PRMT7: variants seen among roughly 807,000 people sequenced by gnomAD.
PRMT7 encodes the protein protein arginine N-methyltransferase 7.
PRMT7 carries 75 observed loss-of-function variants against 85.4 expected under a neutral mutation model. The ratio of observed to expected loss-of-function variants is 0.88; its 90% confidence interval spans 0.73 to 1.06. The LOEUF (loss-of-function observed/expected upper bound fraction) is 1.06, where lower values mean the gene tolerates loss of function less well. Among genes scored for constraint, PRMT7 ranks in the 50% least tolerant of loss-of-function variants. The pLI is 0.00. For missense variants in PRMT7, 868 were observed against 915.2 expected, an observed-to-expected ratio of 0.95 and a Z score of 0.67; for synonymous variants, 397 against 359.5, an observed-to-expected ratio of 1.10 and a Z score of -1.18.
At position 68,357,053 on chromosome 16, in the gene PRMT7, G is replaced by C; in HGVS notation, c.1909-1G>C. 6.2e-7 allele frequency: 1 copy of C among 1,604,212 alleles called. No homozygotes were observed. Among genetic ancestry groups the C allele is most frequent in the Non-Finnish European group, 8.5e-7 (1 of 1,174,818 alleles). ...CCATCTTCCTGCTCTTCTTCCTACA[G>C]GGGGGCTGCTGCTGGAACCCCCACT... On this transcript the variant is annotated splice_acceptor_variant, in intron 18 of 18. Coordinates refer to ENST00000441236, the MANE Select transcript of PRMT7 (RefSeq NM_019023.5). LOFTEE classifies it high-confidence loss of function.
At chr16:68,328,289 T>C (rs1167337124) in intron 5 of PRMT7, 1 of 158,124 alleles carries the variant, frequency 6.3e-6, no homozygotes, top group Non-Finnish European at 1.4e-5. Flanking sequence ...ATCCTGCCCT[T>C]CGTCAAATTC....
At chr16:68,346,113 GCCCAC>G (rs1287243079) in intron 10 of PRMT7, 27 bp from the exon 11 acceptor site, 2 of 1,610,840 alleles carry the variant, frequency 1.2e-6, no homozygotes, top group Admixed American at 3.3e-5. Context: ...GGCGCTCACA[GCCCAC>G]GTCTGTTTGT....
intron 6 of PRMT7, among the ~76,000 whole-genome samples, chr16:68,337,206 T>C (rs1053979408): frequency 6.6e-6 from 1 of 152,172 alleles, no homozygotes; most frequent in African/African-American, 2.4e-5. Context: ...GTAAGAGCAG[T>C]ACAGTAAACA....
At chr16:68,334,065 C>A (rs1246359076) in intron 6 of PRMT7, among the ~76,000 whole-genome samples, 4 of 152,350 alleles carry the variant, frequency 2.6e-5, no homozygotes, top group Admixed American at 1.3e-4. Context: ...ACCACCACGC[C>A]TGGCCAATTT....
chr16:68,359,375 C>T (rs1222245807), downstream of PRMT7: 1 of 152,534 alleles, frequency 6.6e-6, no homozygotes, highest in East Asian at 1.9e-4. Context: ...CAGCCCCTTC[C>T]TGGCTCTGGA....
At chr16:68,318,398 A>G (rs1245132817) in intron 3 of PRMT7, among the ~76,000 whole-genome samples, 2 of 151,956 alleles carry the variant, frequency 1.3e-5, no homozygotes. Context: ...ACGGGGTTTC[A>G]CCGTGTTAGC....
At chr16:68,332,051 T>A (rs1477035258) in intron 6 of PRMT7, among the ~76,000 whole-genome samples, 1 of 152,202 alleles carries the variant, frequency 6.6e-6, no homozygotes, top group African/African-American at 2.4e-5. Context: ...GTGCTAGACT[T>A]CGTTGGTTTT....
At chr16:68,347,439 T>G (rs1597431108) in intron 12 of PRMT7, 145 bp downstream of exon 12, 2 of 1,051,918 alleles carry the variant, frequency 1.9e-6, no homozygotes, top group Admixed American at 2.6e-5. Flanking sequence ...GGCTGGGGGG[T>G]TTATTGCCTG....
At position 68,347,250 on chromosome 16, in the gene PRMT7, G is replaced by A. The variant is rs769775411; in HGVS notation, c.1231G>A (p.Gly411Ser). The change falls in exon 12 of 19, where the codon GGC (glycine) becomes AGC (serine). Residue 411 changes from glycine to serine, a missense_variant. Gly to Ser is a moderately conservative substitution (Grantham distance 56). Transcript: ENST00000441236. ...PDSVCLCVSDGSLLSVLAHHL... is the reference protein window; with the variant it reads ...PDSVCLCVSDSSLLSVLAHHL... Reference sequence around the variant, plus strand: ...CAGCGTGTGCCTGTGTGTCAGCGATGGCAGCCTGCTCTCCGTGCTGGCCCA... The same window carrying A: ...CAGCGTGTGCCTGTGTGTCAGCGATAGCAGCCTGCTCTCCGTGCTGGCCCA... 4 of 1,553,752 alleles carry A rather than the reference G, an allele frequency of 2.6e-6. No homozygotes were observed. The highest frequency in any genetic ancestry group is 2.6e-6 in the Non-Finnish European group (3 of 1,147,730).
At chr16:68,335,304 C>T (rs1465172366) in intron 6 of PRMT7, among the ~76,000 whole-genome samples, 1 of 152,144 alleles carries the variant, frequency 6.6e-6, no homozygotes, top group South Asian at 2.1e-4. Flanking sequence ...AGGCAGTCAG[C>T]GGTCCTGCTG....
intron 14 of PRMT7, among the ~76,000 whole-genome samples, chr16:68,349,864 C>A (rs1343788213): frequency 1.3e-5 from 2 of 152,154 alleles, no homozygotes; most frequent in African/African-American, 4.8e-5. Flanking sequence ...CAGAGCACTA[C>A]AGCATGGCTG....
At chr16:68,316,211 G>A in intron 3 of PRMT7, 137 bp downstream of exon 3, 3 of 726,002 alleles carry the variant, frequency 4.1e-6, no homozygotes, top group Non-Finnish European at 7.1e-6. Flanking sequence ...TCCTGAGCAG[G>A]TCTGCTCAGC....
In PRMT7 at chr16:68,316,080, G is replaced by T. The variant is rs2081815182; in HGVS notation, c.95+6G>T. The T allele has an allele frequency of 3.1e-6, 5 of 1,613,014 alleles. No homozygotes were observed. Among genetic ancestry groups the T allele is most frequent in the Non-Finnish European group, 3.4e-6 (4 of 1,179,622 alleles). On this transcript the variant is annotated splice_donor_region_variant and intron_variant, in intron 3 of 18. Transcript: ENST00000441236. ...TACCACCAGGAGATTGCAAGGTACT[G>T]GGTTGGTTTACAGCAGGCTGCAGCT... is the stretch of plus-strand genomic sequence containing the variant.
In PRMT7 at chr16:68,347,203, C is replaced by T; in HGVS notation, c.1192-8C>T. 1 of 1,551,390 alleles carries T rather than the reference C, an allele frequency of 6.4e-7. No homozygotes were observed. The highest frequency in any genetic ancestry group is 8.7e-7 in the Non-Finnish European group (1 of 1,146,728). On this transcript the variant is annotated splice_polypyrimidine_tract_variant and splice_region_variant and intron_variant, in intron 11 of 18. Transcript: ENST00000441236. ...AAGCCCTGTGCTGAGCTTGCCTGTTCCCCGCAGGTGCTGAAGCCAGACAGC... is the reference window on the plus strand; with the variant it reads ...AAGCCCTGTGCTGAGCTTGCCTGTTTCCCGCAGGTGCTGAAGCCAGACAGC...
At chr16:68,340,074 G>A in intron 9 of PRMT7, 106 bp downstream of exon 9, 2 of 1,232,984 alleles carry the variant, frequency 1.6e-6, no homozygotes, top group East Asian at 2.6e-5. Flanking sequence ...AGAGACAGGA[G>A]GGCTGTGTCA....
downstream of PRMT7, chr16:68,360,043 C>T (rs1879358772): frequency 6.5e-6 from 1 of 153,074 alleles, no homozygotes. Flanking sequence ...GGCTTCCTGC[C>T]TCCTAGGCCG....
In PRMT7 at chr16:68,345,863, T is replaced by C; in HGVS notation, c.1055+61T>C. The C allele has an allele frequency of 4.4e-6, 7 of 1,604,674 alleles. No individual in the cohort carries two copies. In the South Asian group the frequency reaches 7.8e-5, roughly 18 times the overall value. On this transcript the variant is annotated intron_variant, in intron 10 of 18. Coordinates refer to ENST00000441236, the MANE Select transcript of PRMT7 (RefSeq NM_019023.5). ...CTGAGACTTGTATGTAAATTCCCCA[T>C]TTACAGATCCTCTGGAGGTGCCAGT...
intron 5 of PRMT7, chr16:68,328,487 C>T (rs1455542068): frequency 6.9e-6 from 1 of 145,652 alleles, no homozygotes; most frequent in Non-Finnish European, 1.5e-5. Flanking sequence ...GAGCTGCCCA[C>T]CATGGAACAG....
chr16:68,357,919 G>C lies in PRMT7; in HGVS notation c.*695G>C, dbSNP rs1252713521. 6.6e-6 allele frequency: 1 copy of C among 152,314 alleles called. No homozygotes were observed. The highest frequency in any genetic ancestry group is 2.1e-4 in the South Asian group (1 of 4,842). The allele number at this position is 152,314 out of a possible 1,614,324, so 9.4% of individuals were successfully genotyped here. ...AAGTGGCTGTCAGGGGAGCTGGGAGGCAGCCCTGTTCCCTGCACCTCCCTC... is the reference window on the plus strand; with the variant it reads ...AAGTGGCTGTCAGGGGAGCTGGGAGCCAGCCCTGTTCCCTGCACCTCCCTC... On this transcript the variant is annotated 3_prime_UTR_variant, in exon 19 of 19. Transcript: ENST00000441236.
Sources: allele counts gnomAD v4.1 joint callset (sites outside exome capture counted in the v4.1 genomes callset), GRCh38; gene constraint gnomAD v4.1.1; transcripts MANE v1.5; gene names NCBI Gene and HGNC (gene_info 2026-07-23, HGNC 2026-07-21).